Variants in CRLF3 observed in about 807,000 individuals in gnomAD.
CRLF3 encodes cytokine receptor-like factor 3.
A neutral mutation model predicts 55.0 loss-of-function variants in CRLF3; 33 were observed. The observed-to-expected ratio is 0.60, with a 90% CI of 0.46 to 0.80. CRLF3 has a LOEUF of 0.80. Among genes scored for constraint, CRLF3 ranks in the 30% least tolerant of loss-of-function variants. CRLF3 has a pLI of 0.00. For synonymous variants in CRLF3, 238 were observed against 196.8 expected, an observed-to-expected ratio of 1.21 and a Z score of -1.75; for missense variants, 494 against 538.4, an observed-to-expected ratio of 0.92 and a Z score of 0.82.
At chr17:30,805,452 T>C (rs1008658647) in intron 1 of CRLF3, among the ~76,000 whole-genome samples, 1 of 152,198 alleles carries the variant, frequency 6.6e-6, no homozygotes. Flanking sequence ...TGGAGGCTCA[T>C]GCCTATAATC....
At chr17:30,809,170 C>T (rs943591897) in intron 1 of CRLF3, among the ~76,000 whole-genome samples, 2 of 152,046 alleles carry the variant, frequency 1.3e-5, no homozygotes, top group African/African-American at 4.8e-5. Flanking sequence ...TGTTTCAGAA[C>T]CTCAGAAAAA....
chr17:30,811,203 C>G (rs1319918296), intron 1 of CRLF3, among the ~76,000 whole-genome samples: 1 of 152,026 alleles, frequency 6.6e-6, no homozygotes, highest in East Asian at 1.9e-4. Context: ...GCCTGTAATC[C>G]TAGGATTTTG....
chr17:30,794,374 C>T (rs1359734978), intron 4 of CRLF3, among the ~76,000 whole-genome samples: 1 of 152,042 alleles, frequency 6.6e-6, no homozygotes, highest in East Asian at 1.9e-4. Context: ...TAATTAGCCA[C>T]CCAATAGAAA....
chr17:30,791,116 C>T (rs892696371), intron 6 of CRLF3, among the ~76,000 whole-genome samples: 1 of 151,902 alleles, frequency 6.6e-6, no homozygotes, highest in Non-Finnish European at 1.5e-5. Flanking sequence ...CGGGTCTTGC[C>T]CTGTTGCCAG....
chr17:30,820,094 T>C (rs185440882), intron 1 of CRLF3, among the ~76,000 whole-genome samples: 3 of 152,358 alleles, frequency 2.0e-5, no homozygotes, highest in Admixed American at 2.0e-4. Flanking sequence ...CTAGGCCAAG[T>C]TGGCTGTAAA....
chr17:30,788,138 C>CT (rs1045667378), intron 6 of CRLF3, among the ~76,000 whole-genome samples: 34 of 151,486 alleles, frequency 2.2e-4, no homozygotes, highest in African/African-American at 7.0e-4. Context: ...ACCATCCTGG[C>CT]TAACACGGTG....
chr17:30,799,992 T>A (rs751941578), intron 2 of CRLF3, among the ~76,000 whole-genome samples: 24 of 152,126 alleles, frequency 1.6e-4, no homozygotes, highest in Non-Finnish European at 2.5e-4. Flanking sequence ...ACACTTCTCA[T>A]TGAAGACAAG....
At chr17:30,808,934 A>G (rs984892505) in intron 1 of CRLF3, among the ~76,000 whole-genome samples, 13 of 152,162 alleles carry the variant, frequency 8.5e-5, no homozygotes, top group African/African-American at 3.1e-4. Context: ...CTTTGTATAC[A>G]TATTACAGAT....
intron 2 of CRLF3, among the ~76,000 whole-genome samples, chr17:30,800,542 A>G (rs1971990752): frequency 6.6e-6 from 1 of 151,966 alleles, no homozygotes. Context: ...CCTCCATCAC[A>G]TATGTAGGTA....
At chr17:30,809,497 G>A (rs747185588) in intron 1 of CRLF3, 8 of 152,164 alleles carry the variant, frequency 5.3e-5, no homozygotes, top group South Asian at 2.1e-4. Context: ...GGTTCCATGC[G>A]TTCACTGTTA....
At chr17:30,789,066 C>G (rs1971721842) in intron 6 of CRLF3, among the ~76,000 whole-genome samples, 1 of 152,190 alleles carries the variant, frequency 6.6e-6, no homozygotes, top group Admixed American at 6.6e-5. Flanking sequence ...TCTGGCTTCA[C>G]TGCTGATGCC....
intron 1 of CRLF3, among the ~76,000 whole-genome samples, chr17:30,820,012 T>C (rs370640310): frequency 2.6e-5 from 4 of 152,164 alleles, no homozygotes; most frequent in East Asian, 1.9e-4. Flanking sequence ...GTTAATTTCT[T>C]TGGTATTTAC....
At chr17:30,801,451 G>A (rs1319910805) in intron 2 of CRLF3, 2 of 151,882 alleles carry the variant, frequency 1.3e-5, no homozygotes, top group Non-Finnish European at 2.9e-5. Flanking sequence ...TTTATTTTGA[G>A]ACGGAGTCTC....
chr17:30,788,040 G>A (rs1326804536), intron 6 of CRLF3, among the ~76,000 whole-genome samples: 1 of 151,568 alleles, frequency 6.6e-6, no homozygotes, highest in Non-Finnish European at 1.5e-5. Context: ...GAATGAGAAA[G>A]AAAATAGGCC....
intron 6 of CRLF3, among the ~76,000 whole-genome samples, chr17:30,791,729 G>A (rs1166835345): frequency 7.1e-6 from 1 of 141,482 alleles, no homozygotes; most frequent in African/African-American, 2.7e-5. Flanking sequence ...TGTTAGCCAG[G>A]ATGTTCTCAA....
In CRLF3 at chr17:30,784,190, A is replaced by C; in HGVS notation, c.1326T>G (p.Phe442Leu). 1.2e-6 allele frequency: 2 copies of C among 1,612,596 alleles called. No homozygotes were observed. The highest frequency in any genetic ancestry group is 1.7e-6 in the Non-Finnish European group (2 of 1,179,484). Reference protein sequence around the residue: ...FFYPGWKVLVF With the variant: ...FFYPGWKVLVL ...CCAAAGCCAAGCACCCAAACATCTA[A>C]AACACTAACACTTTCCATCCAGGAT... The change falls in exon 8 of 8, where the codon TTT (phenylalanine) becomes TTG (leucine). Residue 442 changes from phenylalanine (F) to leucine (L), a missense_variant. By Grantham distance (22) the Phe-to-Leu change is conservative. Transcript: ENST00000324238.
At chr17:30,811,206 G>C (rs1904605581) in intron 1 of CRLF3, among the ~76,000 whole-genome samples, 1 of 151,570 alleles carries the variant, frequency 6.6e-6, no homozygotes, top group Admixed American at 6.6e-5. Flanking sequence ...TGTAATCCTA[G>C]GATTTTGGGA....
intron 2 of CRLF3, among the ~76,000 whole-genome samples, chr17:30,798,754 G>A (rs536479533): frequency 4.0e-5 from 6 of 151,080 alleles, no homozygotes; most frequent in African/African-American, 9.7e-5. Flanking sequence ...CACTAGAATC[G>A]CTTGAACCCG....
chr17:30,815,295 AG>A (rs1369090744), intron 1 of CRLF3, among the ~76,000 whole-genome samples: 2 of 151,702 alleles, frequency 1.3e-5, no homozygotes, highest in African/African-American at 2.4e-5. Context: ...CATGTTGGCC[AG>A]GCTGGTCTCG....
Sources: allele counts gnomAD v4.1 joint callset (sites outside exome capture counted in the v4.1 genomes callset), GRCh38; gene constraint gnomAD v4.1.1; transcripts MANE v1.5; gene names NCBI Gene and HGNC (gene_info 2026-07-23, HGNC 2026-07-21).